Variants in SNX29 observed in about 807,000 individuals in gnomAD.
SNX29 encodes the protein sorting nexin 29, also known as sorting nexin-29.
In SNX29, 78 loss-of-function variants were observed where a neutral mutation model predicts 102.1. The observed-to-expected ratio is 0.76, with a 90% CI of 0.64 to 0.92. The LOEUF is 0.92. SNX29 is among the 40% of genes least tolerant of loss of function. The pLI, the probability that SNX29 is intolerant of heterozygous loss-of-function variation, is 0.00. For missense variants in SNX29, 1,280 were observed against 1,061.7 expected, an observed-to-expected ratio of 1.21 and a Z score of -2.86; for synonymous variants, 580 against 414.5, an observed-to-expected ratio of 1.40 and a Z score of -4.85.
chr16:12,291,505 G>C (rs1194081581), intron 15 of SNX29, among the ~76,000 whole-genome samples: 1 of 152,172 alleles, frequency 6.6e-6, no homozygotes, highest in African/African-American at 2.4e-5. Context: ...GGTGAGATTT[G>C]GGTGGGGACA....
At chr16:12,431,143 C>T (rs1255821471) in intron 18 of SNX29, among the ~76,000 whole-genome samples, 2 of 152,150 alleles carry the variant, frequency 1.3e-5, no homozygotes, top group Admixed American at 6.5e-5. Context: ...TGAGCCACTG[C>T]GCCTGGCCTG....
chr16:12,456,616 A>T (rs1407249942), intron 18 of SNX29, among the ~76,000 whole-genome samples: 5 of 151,990 alleles, frequency 3.3e-5, no homozygotes, highest in African/African-American at 1.2e-4. Context: ...GTGTGCATGG[A>T]TGAGCATCTG....
intron 16 of SNX29, among the ~76,000 whole-genome samples, chr16:12,368,922 C>T (rs998906570): frequency 5.3e-5 from 8 of 152,144 alleles, no homozygotes; most frequent in Admixed American, 2.0e-4. Context: ...GAACCGGGTG[C>T]ACAGATATGG....
intron 17 of SNX29, among the ~76,000 whole-genome samples, chr16:12,399,970 G>A (rs945704242): frequency 6.6e-6 from 1 of 152,100 alleles, no homozygotes; most frequent in Non-Finnish European, 1.5e-5. Flanking sequence ...CATTATTAAA[G>A]CAAGAATTCA....
At chr16:12,248,387 T>C (rs1222088481) in intron 14 of SNX29, among the ~76,000 whole-genome samples, 1 of 150,176 alleles carries the variant, frequency 6.7e-6, no homozygotes, top group Non-Finnish European at 1.5e-5. Flanking sequence ...CCCATCCAGA[T>C]CTCTGCTTTT....
At chr16:12,157,580 A>G (rs7197299) in intron 13 of SNX29, among the ~76,000 whole-genome samples, 24,269 of 152,058 alleles carry the variant, frequency 0.16, 2,107 homozygotes, top group East Asian at 0.27. Context: ...CTTTACATTG[A>G]CACGATTGGA....
chr16:12,014,538 G>T (rs909039763), intron 3 of SNX29, among the ~76,000 whole-genome samples: 3 of 151,822 alleles, frequency 2.0e-5, no homozygotes, highest in African/African-American at 7.3e-5. Context: ...TTGGAGACCC[G>T]CCTGACCAAC....
intron 17 of SNX29, among the ~76,000 whole-genome samples, chr16:12,401,320 A>G (rs1232922856): frequency 2.0e-5 from 3 of 152,066 alleles, no homozygotes; most frequent in African/African-American, 7.2e-5. Flanking sequence ...TAAAAATTGA[A>G]ATCATCCAAA....
intron 15 of SNX29, among the ~76,000 whole-genome samples, chr16:12,304,229 C>T (rs2080269431): frequency 6.6e-6 from 1 of 150,474 alleles, no homozygotes; most frequent in South Asian, 2.1e-4. Context: ...GAAATGTGAG[C>T]TCATCTTTAG....
At position 12,570,911 on chromosome 16, in the gene SNX29, C is replaced by G. The variant is rs933333064; in HGVS notation, c.*2282C>G. 2 of 222,456 alleles carry G rather than the reference C, an allele frequency of 9.0e-6. No homozygotes were observed. The highest frequency in any genetic ancestry group is 5.9e-5 in the Admixed American group (1 of 16,956). 13.8% of individuals were successfully genotyped at this position (222,456 alleles called of 1,614,324 possible). ...TTATTCACAAAAAACCTGGTCTGCT[C>G]TCCAAAATGAGAGCATGTTCCTGGG... is the stretch of plus-strand genomic sequence containing the variant. On this transcript the variant is annotated 3_prime_UTR_variant, in exon 21 of 21. Coordinates refer to ENST00000566228, the MANE Select transcript of SNX29 (RefSeq NM_032167.5).
chr16:12,356,894 C>T (rs866083611), intron 16 of SNX29, among the ~76,000 whole-genome samples: 5 of 152,214 alleles, frequency 3.3e-5, no homozygotes, highest in Non-Finnish European at 5.9e-5. Flanking sequence ...CTCCAGATAT[C>T]GCCAGATGTC....
intron 14 of SNX29, among the ~76,000 whole-genome samples, chr16:12,204,904 C>T (rs1273231847): frequency 4.0e-5 from 6 of 151,670 alleles, no homozygotes; most frequent in Admixed American, 3.9e-4. Flanking sequence ...GTGTTAGTTG[C>T]CCTGGGGTGA....
chr16:12,398,544 G>A (rs750136264), intron 17 of SNX29, 43 bp downstream of exon 17: 50 of 1,608,098 alleles, frequency 3.1e-5, no homozygotes, highest in Non-Finnish European at 4.2e-5. Context: ...TTTAGAAACT[G>A]GACTCTGTTG....
At chr16:12,028,423 G>C (rs551795157) in intron 4 of SNX29, among the ~76,000 whole-genome samples, 2 of 152,218 alleles carry the variant, frequency 1.3e-5, no homozygotes, top group South Asian at 4.1e-4. Flanking sequence ...AAGTGCAGTG[G>C]TGTGATCATG....
chr16:12,101,301 CTTTT>C (rs1212782573), intron 11 of SNX29, among the ~76,000 whole-genome samples: 7 of 118,578 alleles, frequency 5.9e-5, no homozygotes, highest in Admixed American at 9.0e-5. Flanking sequence ...CCCCCCCCAA[CTTTT>C]TTTTTTTTTT....
chr16:12,238,660 G>A (rs1356421533), intron 14 of SNX29, among the ~76,000 whole-genome samples: 1 of 152,210 alleles, frequency 6.6e-6, no homozygotes, highest in Non-Finnish European at 1.5e-5. Flanking sequence ...AGTGGGGACC[G>A]CAAACCGCTG....
chr16:12,565,861 G>A (rs1020729952), intron 20 of SNX29, among the ~76,000 whole-genome samples: 4 of 152,096 alleles, frequency 2.6e-5, no homozygotes, highest in Non-Finnish European at 5.9e-5. Context: ...GAAGCCCTCT[G>A]TGCCCTGCTC....
At chr16:12,311,545 G>C (rs1203184438) in intron 15 of SNX29, among the ~76,000 whole-genome samples, 1 of 152,234 alleles carries the variant, frequency 6.6e-6, no homozygotes, top group East Asian at 1.9e-4. Context: ...AGCTCCCTCT[G>C]CCTGAAATGC....
chr16:12,445,027 T>G (rs957947402), intron 18 of SNX29, among the ~76,000 whole-genome samples: 1 of 152,048 alleles, frequency 6.6e-6, no homozygotes, highest in African/African-American at 2.4e-5. Flanking sequence ...ATTTTGGTAT[T>G]TTTAGTAGAG....
Sources: gnomAD v4.1 joint callset for allele counts (sites outside exome capture counted in the v4.1 genomes callset) on GRCh38, gnomAD v4.1.1 for gene constraint, MANE v1.5 for transcripts, NCBI Gene and HGNC (gene_info 2026-07-23, HGNC 2026-07-21) for gene names.